The following CTNND2 variants were observed in gnomAD, a reference collection of about 807,000 sequenced individuals.
The protein encoded by CTNND2 is catenin delta 2, also known as catenin delta-2.
Under a neutral mutation model 144.4 loss-of-function variants are expected in CTNND2, and 22 were observed. That is an observed-to-expected ratio of 0.15 (90% CI 0.11 to 0.22). The LOEUF is 0.22. CTNND2 is among the 10% of genes least tolerant of loss of function. The pLI, the probability that CTNND2 is intolerant of heterozygous loss-of-function variation, is 1.00. For missense variants in CTNND2, 1,353 were observed against 1,618.8 expected (o/e 0.84, Z 2.82); for synonymous variants, 751 against 695.6 (o/e 1.08, Z -1.25).
At chr5:11,378,254 T>C (rs1165353150) in intron 7 of CTNND2, among the ~76,000 whole-genome samples, 2 of 152,188 alleles carry the variant, frequency 1.3e-5, no homozygotes, top group Non-Finnish European at 2.9e-5. Context: ...GAGACCCATA[T>C]TACATTGATT....
chr5:11,130,781 A>T (rs1265613229), intron 12 of CTNND2, among the ~76,000 whole-genome samples: 1 of 152,142 alleles, frequency 6.6e-6, no homozygotes, highest in East Asian at 1.9e-4. Flanking sequence ...GAGTAACGCC[A>T]TATGGTCCAT....
intron 1 of CTNND2, among the ~76,000 whole-genome samples, chr5:11,757,784 T>C (rs1387721754): frequency 2.0e-5 from 3 of 151,936 alleles, no homozygotes; most frequent in African/African-American, 2.4e-5. Context: ...GTCAAAGTAG[T>C]GTTGTTGTAT....
At chr5:11,796,078 C>T (rs1178474153) in intron 1 of CTNND2, among the ~76,000 whole-genome samples, 1 of 152,214 alleles carries the variant, frequency 6.6e-6, no homozygotes, top group East Asian at 1.9e-4. Context: ...CCTCCTCCAT[C>T]ATCACCCATC....
At chr5:11,862,123 C>T in intron 1 of CTNND2, among the ~76,000 whole-genome samples, 1 of 152,136 alleles carries the variant, frequency 6.6e-6, no homozygotes, top group Non-Finnish European at 1.5e-5. Flanking sequence ...GAAATTAAGA[C>T]TTCTTTCAAC....
Position 10,999,431 on chromosome 5 carries a change from C to G in CTNND2, c.3085-6754G>C, listed in dbSNP as rs147164510. On this transcript the variant is annotated intron_variant, in intron 18 of 21. Transcript: ENST00000304623. ...TATTGGGCATTTTACCTTAGCTCTTCTTTGCACCACCTGTACAGCTCATAG... is the reference window on the plus strand; with the variant it reads ...TATTGGGCATTTTACCTTAGCTCTTGTTTGCACCACCTGTACAGCTCATAG... 7.3e-3 allele frequency among the ~76,000 whole-genome samples: 1,115 copies of G among 152,306 alleles called. 17 individuals carry two copies. The highest frequency in any genetic ancestry group is 0.025 in the African/African-American group (1,042 of 41,554).
At chr5:10,999,301 C>G (rs886181654) in intron 18 of CTNND2, among the ~76,000 whole-genome samples, 3 of 152,132 alleles carry the variant, frequency 2.0e-5, no homozygotes, top group Non-Finnish European at 4.4e-5. Flanking sequence ...ATATACAACT[C>G]GGGCACATAT....
chr5:11,293,652 A>G (rs553136098), intron 9 of CTNND2, among the ~76,000 whole-genome samples: 45 of 151,268 alleles, frequency 3.0e-4, no homozygotes, highest in African/African-American at 1.1e-3. Flanking sequence ...TGTGTAGAGC[A>G]ACTGAATGAA....
chr5:11,471,059 C>A (rs1179731690), intron 3 of CTNND2, among the ~76,000 whole-genome samples: 4 of 148,220 alleles, frequency 2.7e-5, no homozygotes, highest in Non-Finnish European at 3.0e-5. Context: ...CTCACTGCAA[C>A]CACCGCCTCC....
At chr5:11,521,890 C>T (rs918545670) in intron 3 of CTNND2, among the ~76,000 whole-genome samples, 4 of 152,164 alleles carry the variant, frequency 2.6e-5, no homozygotes, top group African/African-American at 4.8e-5. Flanking sequence ...GCACTCCCAA[C>T]GAGAACAATT....
intron 3 of CTNND2, among the ~76,000 whole-genome samples, chr5:11,433,400 C>G (rs1056290115): frequency 1.1e-4 from 16 of 152,192 alleles, no homozygotes; most frequent in African/African-American, 3.6e-4. Context: ...ACAATTGACA[C>G]TACCAAATGT....
At chr5:11,102,028 T>C (rs1751945572) in intron 14 of CTNND2, among the ~76,000 whole-genome samples, 1 of 152,040 alleles carries the variant, frequency 6.6e-6, no homozygotes, top group South Asian at 2.1e-4. Context: ...AAAAAGCTTT[T>C]TTGCTGGGTT....
intron 16 of CTNND2, among the ~76,000 whole-genome samples, chr5:11,029,520 A>G (rs1743224226): frequency 6.6e-6 from 1 of 152,242 alleles, no homozygotes; most frequent in Admixed American, 6.5e-5. Flanking sequence ...AATTTATACC[A>G]GGTTAACTTC....
chr5:11,373,847 T>C (rs2149784973), intron 7 of CTNND2, among the ~76,000 whole-genome samples: 1 of 152,292 alleles, frequency 6.6e-6, no homozygotes, highest in African/African-American at 2.4e-5. Flanking sequence ...GATGAGGTTT[T>C]AGTGTCAGAA....
At chr5:11,448,030 G>A (rs895697615) in intron 3 of CTNND2, among the ~76,000 whole-genome samples, 5 of 152,314 alleles carry the variant, frequency 3.3e-5, no homozygotes, top group South Asian at 2.1e-4. Context: ...CCTTGGGCAA[G>A]TGTTCTGCGA....
At chr5:11,482,376 A>G (rs576972345) in intron 3 of CTNND2, among the ~76,000 whole-genome samples, 3 of 152,324 alleles carry the variant, frequency 2.0e-5, no homozygotes, top group South Asian at 2.1e-4. Context: ...CCCCAGAAAT[A>G]TTCAGGATTC....
At chr5:11,578,425 G>A (rs1489045649) in intron 2 of CTNND2, among the ~76,000 whole-genome samples, 1 of 152,058 alleles carries the variant, frequency 6.6e-6, no homozygotes, top group African/African-American at 2.4e-5. Flanking sequence ...CACTTTGGGA[G>A]GCTGAGAAGG....
intron 2 of CTNND2, among the ~76,000 whole-genome samples, chr5:11,614,284 G>A (rs1370659436): frequency 6.6e-6 from 1 of 152,132 alleles, no homozygotes; most frequent in Non-Finnish European, 1.5e-5. Context: ...ACATAATGAT[G>A]TTCAGACAGG....
chr5:11,183,016 T>G (rs1392840856), intron 11 of CTNND2, among the ~76,000 whole-genome samples: 1 of 152,204 alleles, frequency 6.6e-6, no homozygotes, highest in African/African-American at 2.4e-5. Context: ...AGACATAGTG[T>G]TTGCTTTTGG....
At chr5:11,895,577 C>T (rs956599743) in intron 1 of CTNND2, among the ~76,000 whole-genome samples, 5 of 152,138 alleles carry the variant, frequency 3.3e-5, no homozygotes, top group South Asian at 2.1e-4. Flanking sequence ...CTGGGACACA[C>T]GAAATCAGCA....
Sources: gnomAD v4.1 joint callset for allele counts (sites outside exome capture counted in the v4.1 genomes callset) on GRCh38, gnomAD v4.1.1 for gene constraint, MANE v1.5 for transcripts, NCBI Gene and HGNC (gene_info 2026-07-23, HGNC 2026-07-21) for gene names.